The following EPS15 variants were observed in gnomAD, a reference collection of about 807,000 sequenced individuals.
EPS15 encodes epidermal growth factor receptor substrate 15.
EPS15 carries 72 observed loss-of-function variants against 113.8 expected under a neutral mutation model. The ratio of observed to expected loss-of-function variants is 0.63; its 90% CI spans 0.52 to 0.77. EPS15 has a LOEUF of 0.77. EPS15 is among the 30% of genes least tolerant of loss of function. The pLI is 0.00. For synonymous variants in EPS15, 344 were observed against 363.4 expected (o/e 0.95, Z 0.61); for missense variants, 1,048 against 1,045.8 (o/e 1.00, Z -0.03).
At chr1:51,440,293 G>GTC (rs1199335064) in intron 12 of EPS15, 54 bp downstream of exon 12, 1 of 665,578 alleles carries the variant, frequency 1.5e-6, no homozygotes, top group Non-Finnish European at 2.7e-6. Context: ...GTGTGTGTGT[G>GTC]TGTGTGTGTG....
chr1:51,389,740 T>C (rs1304562880), intron 21 of EPS15, among the ~76,000 whole-genome samples: 2 of 152,208 alleles, frequency 1.3e-5, no homozygotes, highest in Non-Finnish European at 2.9e-5. Context: ...ATAAAATACC[T>C]AGGAATCCAA....
chr1:51,375,290 C>T (rs12089530), intron 21 of EPS15, among the ~76,000 whole-genome samples: 2,855 of 152,156 alleles, frequency 0.019, 89 homozygotes, highest in African/African-American at 0.066. Flanking sequence ...CGTGAGCCAC[C>T]GCGCCCGACT....
At chr1:51,364,744 C>T (rs6678581) in intron 22 of EPS15, among the ~76,000 whole-genome samples, 2,131 of 152,118 alleles carry the variant, frequency 0.014, 51 homozygotes, top group African/African-American at 0.049. Context: ...AGCAATCCTC[C>T]CATCTCAGCC....
chr1:51,434,104 G>C (rs1302465352), intron 12 of EPS15, among the ~76,000 whole-genome samples: 1 of 152,012 alleles, frequency 6.6e-6, no homozygotes, highest in Non-Finnish European at 1.5e-5. Context: ...CTGTGGGCAG[G>C]GTATAACAGT....
intron 22 of EPS15, among the ~76,000 whole-genome samples, chr1:51,365,123 C>T (rs1005403662): frequency 3.9e-5 from 6 of 152,162 alleles, no homozygotes; most frequent in Admixed American, 6.5e-5. Flanking sequence ...TGAGCCACCG[C>T]GCCTGGCTGG....
At chr1:51,369,473 C>T (rs150626259) in intron 21 of EPS15, among the ~76,000 whole-genome samples, 2 of 152,204 alleles carry the variant, frequency 1.3e-5, no homozygotes, top group African/African-American at 4.8e-5. Context: ...GCTTTAGCTG[C>T]ACTTATGACC....
chr1:51,412,355 T>C (rs1362298688), intron 13 of EPS15, among the ~76,000 whole-genome samples: 1 of 152,172 alleles, frequency 6.6e-6, no homozygotes, highest in African/African-American at 2.4e-5. Flanking sequence ...CACACATGTA[T>C]CCCAGAACTT....
intron 20 of EPS15, among the ~76,000 whole-genome samples, chr1:51,398,110 GTGGCGCGATCT>G (rs1490322049): frequency 6.6e-6 from 1 of 150,778 alleles, no homozygotes; most frequent in Non-Finnish European, 1.5e-5. Context: ...CTGGAGTGCA[GTGGCGCGATCT>G]CGGCTCACTG....
intron 13 of EPS15, among the ~76,000 whole-genome samples, chr1:51,414,325 A>G (rs1455737322): frequency 6.6e-6 from 1 of 152,080 alleles, no homozygotes; most frequent in Non-Finnish European, 1.5e-5. Flanking sequence ...AGGCAGGAGG[A>G]TCACTTGAAC....
rs533474783 is a variant in EPS15 at position 51,405,002 on chromosome 1, TATACTA to T, written c.1677+897_1677+902del. On this transcript the variant is annotated intron_variant, in intron 16 of 24. Transcript: ENST00000371733. ...TGCATGTATTCTTCCACCTTGTACC[TATACTA>T]ATACTGTTTTCTCTGGCAGGAATGT... Among the ~76,000 whole-genome samples, 12 of 152,362 alleles carry T rather than the reference TATACTA, an allele frequency of 7.9e-5. No individual in the cohort carries two copies. The East Asian group carries it at 2.1e-3, about 27-fold the overall frequency.
rs1208615117 is a variant in EPS15 at position 51,399,173 on chromosome 1, A to T, written c.1919-8T>A. The T allele has an allele frequency of 1.2e-6, 2 of 1,612,290 alleles. No individual in the cohort carries two copies. Among genetic ancestry groups the T allele is most frequent in the Non-Finnish European group, 1.7e-6 (2 of 1,179,410 alleles). On this transcript the variant is annotated splice_region_variant and splice_polypyrimidine_tract_variant and intron_variant, in intron 19 of 24. Transcript: ENST00000371733. Reference sequence around the variant, plus strand: ...GATCACCACCAAATGGATCTAAAAAAATAAGGCACGAATATAAGAGACAAA... The same window carrying T: ...GATCACCACCAAATGGATCTAAAAATATAAGGCACGAATATAAGAGACAAA...
Position 51,355,855 on chromosome 1 carries a change from T to C in EPS15, c.*845A>G, listed in dbSNP as rs1011205795. 1 of 199,250 alleles carries C rather than the reference T, an allele frequency of 5.0e-6. No homozygotes were observed. Among genetic ancestry groups the C allele is most frequent in the South Asian group, 1.9e-4 (1 of 5,228 alleles). The allele number at this position is 199,250 out of a possible 1,614,324, so 12.3% of individuals were successfully genotyped here. A position where few individuals can be genotyped will look rare whatever the true frequency, so the allele number is the denominator to read the frequency against. ...CACGGCAAAGGCAGAATGGCTGCCATGTTAAGACTTTTGCTTGCCTTATAC... is the reference window on the plus strand; with the variant it reads ...CACGGCAAAGGCAGAATGGCTGCCACGTTAAGACTTTTGCTTGCCTTATAC... On this transcript the variant is annotated 3_prime_UTR_variant, in exon 25 of 25. Coordinates refer to ENST00000371733, the MANE Select transcript of EPS15 (RefSeq NM_001981.3).
intron 24 of EPS15, among the ~76,000 whole-genome samples, chr1:51,357,408 ATATATATATATATATATATT>A (rs1435128422): frequency 1.2e-4 from 7 of 57,298 alleles, no homozygotes; most frequent in Non-Finnish European, 1.8e-4. Flanking sequence ...ATATATATAT[ATATATATATATATATATATT>A]TTTTTTTTTT....
At chr1:51,420,646 C>A (rs373683208) in intron 13 of EPS15, among the ~76,000 whole-genome samples, 1 of 152,298 alleles carries the variant, frequency 6.6e-6, no homozygotes, top group African/African-American at 2.4e-5. Context: ...CACCTAACCT[C>A]ACTGCCAGAG....
intron 1 of EPS15, among the ~76,000 whole-genome samples, chr1:51,485,398 A>C (rs987930557): frequency 6.6e-6 from 1 of 152,172 alleles, no homozygotes; most frequent in Non-Finnish European, 1.5e-5. Context: ...TTGGTTGCAT[A>C]CTGTTCAAAA....
intron 2 of EPS15, among the ~76,000 whole-genome samples, chr1:51,473,648 TTCCTAAAGTTCCATTTGTAAAAA>T (rs1655401214): frequency 1.3e-5 from 2 of 152,102 alleles, no homozygotes; most frequent in African/African-American, 4.8e-5. Flanking sequence ...TTGTAAAGAT[TTCCTAAAGTTCCATTTGTAAAAA>T]TGAAAAGTAC....
chr1:51,380,265 T>C (rs1183256999), intron 21 of EPS15, among the ~76,000 whole-genome samples: 1 of 151,756 alleles, frequency 6.6e-6, no homozygotes, highest in Admixed American at 6.6e-5. Context: ...AAGGGAGTCA[T>C]TCAAGTTGAA....
rs753199083 is a variant in EPS15 at position 51,365,994 on chromosome 1, A to G, written c.2155T>C (p.Ser719Pro). Residue 719 changes from serine (S) to proline (P), a missense_variant, in exon 22 of 25, where the codon TCA (serine) becomes CCA (proline). Ser to Pro is a moderately conservative substitution (Grantham distance 74, BLOSUM62 -1). Transcript: ENST00000371733. ...DPFASVFGNE[S>P]FGGGFADFST... ...AAGTCAGCAAATCCACCTCCAAATG[A>G]TTCATTCCCAAAAACAGAAGCAAAG... is the stretch of plus-strand genomic sequence containing the variant. 5 of 1,613,398 alleles carry G rather than the reference A, an allele frequency of 3.1e-6. No individual in the cohort carries two copies. In the South Asian group the frequency reaches 4.4e-5, roughly 14 times the overall value.
At chr1:51,507,441 T>A (rs1031676829) in intron 1 of EPS15, among the ~76,000 whole-genome samples, 1 of 151,718 alleles carries the variant, frequency 6.6e-6, no homozygotes, top group African/African-American at 2.4e-5. Flanking sequence ...GGCGGGTAGA[T>A]CACAAGATCA....
Sources: gnomAD v4.1 joint callset for allele counts (sites outside exome capture counted in the v4.1 genomes callset) on GRCh38, gnomAD v4.1.1 for gene constraint, MANE v1.5 for transcripts, NCBI Gene and HGNC (gene_info 2026-07-23, HGNC 2026-07-21) for gene names.